TCF20: variants seen among roughly 807,000 people sequenced by gnomAD.
The protein encoded by TCF20 is SPRE-binding protein.
Under a neutral mutation model 148.6 loss-of-function variants are expected in TCF20, and 3 were observed. The ratio of observed to expected loss-of-function variants is 0.02; its 90% CI spans 0.01 to 0.05. The LOEUF (loss-of-function observed/expected upper bound fraction) is 0.05. Among genes scored for constraint, TCF20 ranks in the 10% least tolerant of loss-of-function variants. TCF20 has a pLI of 1.00. For synonymous variants in TCF20, 1,049 were observed against 909.5 expected (o/e 1.15, Z -2.76); for missense variants, 2,350 against 2,429.3 (o/e 0.97, Z 0.69).
chr22:42,176,581 G>A (rs546491708), intron 3 of TCF20, among the ~76,000 whole-genome samples: 7 of 152,320 alleles, frequency 4.6e-5, no homozygotes, highest in African/African-American at 1.4e-4. Flanking sequence ...AGCACAGAGA[G>A]GGGGCATGCA....
chr22:42,271,607 CCT>C (rs1442713204), upstream of TCF20, among the ~76,000 whole-genome samples: 1 of 152,216 alleles, frequency 6.6e-6, no homozygotes, highest in Non-Finnish European at 1.5e-5. Flanking sequence ...TGATCCTGCC[CCT>C]GACCTTTGAC....
At chr22:42,238,839 C>T (rs545889988) in intron 1 of TCF20, among the ~76,000 whole-genome samples, 9 of 152,078 alleles carry the variant, frequency 5.9e-5, no homozygotes, top group East Asian at 5.8e-4. Flanking sequence ...AACATCAGGC[C>T]GGGCGCGGTG....
At chr22:42,179,007 A>T (rs1936610667) in intron 3 of TCF20, among the ~76,000 whole-genome samples, 1 of 151,710 alleles carries the variant, frequency 6.6e-6, no homozygotes, top group Non-Finnish European at 1.5e-5. Flanking sequence ...CAATGAAATA[A>T]CATTTCATAC....
At chr22:42,204,082 A>G (rs1301129455) in intron 2 of TCF20, among the ~76,000 whole-genome samples, 1 of 152,226 alleles carries the variant, frequency 6.6e-6, no homozygotes, top group East Asian at 1.9e-4. Context: ...TAATCAATCT[A>G]TTTTATATTT....
At chr22:42,332,375 C>G (rs1045161000) in intron 1 of TCF20, among the ~76,000 whole-genome samples, 5 of 152,110 alleles carry the variant, frequency 3.3e-5, no homozygotes, top group Non-Finnish European at 5.9e-5. Context: ...GGAGCTGGAG[C>G]AGGAACAGCC....
At chr22:42,236,045 T>C (rs1296981659) in intron 1 of TCF20, among the ~76,000 whole-genome samples, 1 of 151,870 alleles carries the variant, frequency 6.6e-6, no homozygotes, top group African/African-American at 2.4e-5. Context: ...AATACAAAAA[T>C]TAGCTGGGCA....
chr22:42,312,914 G>C (rs1354837468), intron 1 of TCF20, among the ~76,000 whole-genome samples: 1 of 152,196 alleles, frequency 6.6e-6, no homozygotes, highest in African/African-American at 2.4e-5. Context: ...CAGGGGAAAG[G>C]TGCCTTGAGG....
intron 2 of TCF20, among the ~76,000 whole-genome samples, chr22:42,184,634 G>GT (rs1415188709): frequency 3.9e-5 from 6 of 152,172 alleles, no homozygotes; most frequent in African/African-American, 1.4e-4. Context: ...CCAAGCAGAG[G>GT]TAAGTCCATA....
chr22:42,342,046 G>A (rs997988215), intron 1 of TCF20, among the ~76,000 whole-genome samples: 2 of 152,112 alleles, frequency 1.3e-5, no homozygotes, highest in African/African-American at 4.8e-5. Context: ...CTAAGACCAG[G>A]GTACATCCAC....
chr22:42,175,022 G>A (rs760648), intron 3 of TCF20, among the ~76,000 whole-genome samples: 62,815 of 150,612 alleles, frequency 0.42, 13,472 homozygotes, highest in East Asian at 0.6. Flanking sequence ...GCAACACAGC[G>A]AGACTCTGTC....
intron 1 of TCF20, among the ~76,000 whole-genome samples, chr22:42,233,117 T>TA (rs993038659): frequency 2.0e-5 from 3 of 152,086 alleles, no homozygotes; most frequent in African/African-American, 7.2e-5. Flanking sequence ...GGCGAGGTTT[T>TA]AACCATGTTG....
chr22:42,337,985 T>C (rs894471979), intron 1 of TCF20, among the ~76,000 whole-genome samples: 1 of 152,212 alleles, frequency 6.6e-6, no homozygotes, highest in African/African-American at 2.4e-5. Context: ...AGGGAAGCCT[T>C]TGACGGGCTC....
chr22:42,253,566 A>G (rs758348351), intron 1 of TCF20, among the ~76,000 whole-genome samples: 15 of 152,230 alleles, frequency 9.9e-5, no homozygotes, highest in Non-Finnish European at 7.3e-5. Context: ...ATGAAAAACC[A>G]AAAGCATCAA....
chr22:42,165,159 A>T (rs1379462873), intron 5 of TCF20, among the ~76,000 whole-genome samples: 2 of 152,204 alleles, frequency 1.3e-5, no homozygotes, highest in Non-Finnish European at 2.9e-5. Flanking sequence ...CTGGAGGTGT[A>T]ACCCTGGACT....
chr22:42,280,867 G>A (rs1041153262), intron 1 of TCF20, among the ~76,000 whole-genome samples: 13 of 152,196 alleles, frequency 8.5e-5, no homozygotes, highest in Admixed American at 8.5e-4. Flanking sequence ...GCCCTGTGAT[G>A]TAGGTATTAT....
At chr22:42,190,827 A>G (rs939024383) in intron 2 of TCF20, among the ~76,000 whole-genome samples, 8 of 152,172 alleles carry the variant, frequency 5.3e-5, no homozygotes, top group African/African-American at 1.7e-4. Flanking sequence ...ATGGCAGGTG[A>G]TACTAATAAT....
At chr22:42,204,782 T>C (rs911065517) in intron 2 of TCF20, among the ~76,000 whole-genome samples, 4 of 152,074 alleles carry the variant, frequency 2.6e-5, no homozygotes, top group African/African-American at 4.8e-5. Flanking sequence ...GAGGAGGTGG[T>C]TGCAGTGAGC....
chr22:42,321,343 C>G lies in TCF20; in HGVS notation c.-37+22136G>C, dbSNP rs186576291. Among the ~76,000 whole-genome samples the G allele has an allele frequency of 1.2e-3, 177 of 152,326 alleles. 2 individuals carry two copies. Among genetic ancestry groups the G allele is most frequent in the East Asian group, 1.4e-3 (7 of 5,180 alleles). ...CAGGGACTGGAAGGAAGAAGCCTGT[C>G]CCATGGCCAGCTCTGTGAGCTAGGC... On this transcript the variant is annotated intron_variant, in intron 1 of 1. Transcript: ENST00000515426.
At chr22:42,324,226 G>A (rs796298099) in intron 1 of TCF20, among the ~76,000 whole-genome samples, 2 of 148,718 alleles carry the variant, frequency 1.3e-5, no homozygotes, top group Admixed American at 6.7e-5. Context: ...GGTGATGATG[G>A]TGGTGATGGT....
Sources: allele counts gnomAD v4.1 joint callset (sites outside exome capture counted in the v4.1 genomes callset), GRCh38; gene constraint gnomAD v4.1.1; transcripts MANE v1.5; gene names NCBI Gene and HGNC (gene_info 2026-07-23, HGNC 2026-07-21).